Variants in CROT observed in about 807,000 individuals in gnomAD.
The protein encoded by CROT is peroxisomal carnitine O-octanoyltransferase.
In CROT, 84 loss-of-function variants were observed where a neutral mutation model predicts 89.2. The ratio of observed to expected loss-of-function variants is 0.94; its 90% CI spans 0.79 to 1.13. CROT has a LOEUF of 1.13. Ranked by LOEUF, CROT falls within the 50% of genes most tolerant of loss-of-function variation. The pLI, the probability that CROT is intolerant of heterozygous loss-of-function variation, is 0.00. For missense variants in CROT, 711 were observed against 727.8 expected, an observed-to-expected ratio of 0.98 and a Z score of 0.27; for synonymous variants, 212 against 239.5, an observed-to-expected ratio of 0.89 and a Z score of 1.06.
At position 87,375,651 on chromosome 7, in the gene CROT, A is replaced by G. The variant is rs996243707; in HGVS notation, c.676A>G (p.Lys226Glu). 6.2e-7 allele frequency: 1 copy of G among 1,612,984 alleles called. No individual in the cohort carries two copies. The highest frequency in any genetic ancestry group is 8.5e-7 in the Non-Finnish European group (1 of 1,179,206). ...ELLRQLTYIH[K>E]KCHSEPDGPG... ...CATAAGACAACTGACATATATCCAC[A>G]AGAAGTGCCATAGTGAACCTGATGG... The change falls in exon 8 of 18, where the codon AAG (lysine) becomes GAG (glutamate). Residue 226 changes from lysine (K) to glutamate (E), a missense_variant. By Grantham distance (56) the Lys-to-Glu change is moderately conservative. Coordinates refer to ENST00000331536, the MANE Select transcript of CROT (RefSeq NM_021151.4).
chr7:87,371,534 T>C (rs1444972210), intron 7 of CROT, among the ~76,000 whole-genome samples: 4 of 152,204 alleles, frequency 2.6e-5, no homozygotes, highest in African/African-American at 9.6e-5. Context: ...ATATCTATGG[T>C]TTGATATTAG....
Position 87,366,423 on chromosome 7 carries a change from C to A in CROT, c.548-2953C>A, listed in dbSNP as rs558823528. 8.5e-5 allele frequency among the ~76,000 whole-genome samples: 13 copies of A among 152,234 alleles called. No individual in the cohort carries two copies. The South Asian group carries it at 2.7e-3, about 32-fold the overall frequency. Reference sequence around the variant, plus strand: ...TGCAGTGACTTTCCTCCTGCCCATTCCCCTTCATCTATTGATTGCTTTAGC... The same window carrying A: ...TGCAGTGACTTTCCTCCTGCCCATTACCCTTCATCTATTGATTGCTTTAGC... On this transcript the variant is annotated intron_variant, in intron 6 of 17. Coordinates refer to ENST00000331536, the MANE Select transcript of CROT (RefSeq NM_021151.4).
Position 87,392,993 on chromosome 7 carries a change from T to C in CROT, c.1644T>C (p.Tyr548=). 6.2e-7 allele frequency: 1 copy of C among 1,613,718 alleles called. No individual in the cohort carries two copies. The highest frequency in any genetic ancestry group is 8.5e-7 in the Non-Finnish European group (1 of 1,179,708). The change falls in exon 17 of 18, where the codon TAT becomes TAC. Residue 548 remains tyrosine (Y), a synonymous_variant. Transcript: ENST00000331536. ...TTCTCTCAACAAGTCTGGTTGGCTA[T>C]TTACGAGTCCAGGGAGTGGTAGTTC... The part of the protein sequence containing the change: ...NFVLSTSLVG[Y]LRVQGVVVPM...
chr7:87,352,081 G>A (rs906843485), intron 3 of CROT, among the ~76,000 whole-genome samples: 1 of 152,216 alleles, frequency 6.6e-6, no homozygotes, highest in Non-Finnish European at 1.5e-5. Flanking sequence ...ATTCCAAGAA[G>A]AGGAAAGATA....
At chr7:87,347,138 C>T (rs1055116541) in intron 2 of CROT, among the ~76,000 whole-genome samples, 6 of 152,202 alleles carry the variant, frequency 3.9e-5, no homozygotes, top group African/African-American at 1.4e-4. Context: ...AAGCTCTTTG[C>T]TCTTATGGAC....
intron 4 of CROT, chr7:87,360,216 G>C (rs1806225692): frequency 2.0e-6 from 1 of 500,692 alleles, no homozygotes; most frequent in Non-Finnish European, 2.6e-6. Flanking sequence ...CAGGTAATTT[G>C]ATAAGATGTG....
chr7:87,372,080 A>AT (rs1806661628), intron 7 of CROT, among the ~76,000 whole-genome samples: 1 of 151,798 alleles, frequency 6.6e-6, no homozygotes, highest in South Asian at 2.1e-4. Context: ...TGTTGTTCGA[A>AT]TTGGCATATC....
At position 87,349,203 on chromosome 7, in the gene CROT, G is replaced by T. The variant is rs750445851; in HGVS notation, c.115+20G>T. ...AATCAGGTATGTTAATAATCTTTTA[G>T]TATATATTAATATTATTAGTAACTT... On this transcript the variant is annotated intron_variant, in intron 3 of 17. Coordinates refer to ENST00000331536, the MANE Select transcript of CROT (RefSeq NM_021151.4). 8.3e-7 allele frequency: 1 copy of T among 1,207,582 alleles called. No homozygotes were observed. The allele number at this position is 1,207,582 out of a possible 1,614,324, so 74.8% of individuals were successfully genotyped here. A position where few individuals can be genotyped will look rare whatever the true frequency, so the allele number is the denominator to read the frequency against.
chr7:87,361,116 G>C (rs933620188), intron 4 of CROT, among the ~76,000 whole-genome samples: 1 of 151,646 alleles, frequency 6.6e-6, no homozygotes, highest in African/African-American at 2.4e-5. Flanking sequence ...CTACATGCAG[G>C]CCCAGCTAAT....
intron 3 of CROT, among the ~76,000 whole-genome samples, chr7:87,354,118 G>A (rs1029712897): frequency 5.9e-5 from 9 of 152,104 alleles, no homozygotes; most frequent in African/African-American, 1.7e-4. Flanking sequence ...AGAAGCAGAG[G>A]TCATTGTAAA....
intron 14 of CROT, 131 bp from the exon 15 acceptor site, chr7:87,392,435 G>A: frequency 1.4e-6 from 1 of 697,462 alleles, no homozygotes; most frequent in East Asian, 2.5e-5. Flanking sequence ...ATAGGAGTAT[G>A]TGTTATAGAT....
intron 7 of CROT, among the ~76,000 whole-genome samples, chr7:87,373,619 A>G (rs2115914193): frequency 6.6e-6 from 1 of 152,238 alleles, no homozygotes; most frequent in Non-Finnish European, 1.5e-5. Context: ...GAATCGAAGT[A>G]GAGATATCCA....
At chr7:87,381,348 A>G (rs2116017963) in intron 10 of CROT, among the ~76,000 whole-genome samples, 1 of 152,346 alleles carries the variant, frequency 6.6e-6, no homozygotes, top group African/African-American at 2.4e-5. Context: ...AACCTGAAAC[A>G]GCCCCGTAAC....
intron 17 of CROT, among the ~76,000 whole-genome samples, chr7:87,395,798 C>A (rs564152951): frequency 2.6e-4 from 39 of 152,212 alleles, no homozygotes; most frequent in Middle Eastern, 3.4e-3. Context: ...TACTTGCCCC[C>A]AGACATGTCT....
At position 87,389,628 on chromosome 7, in the gene CROT, G is replaced by T. The variant is rs539642681; in HGVS notation, c.1302-1961G>T. 8.0e-4 allele frequency among the ~76,000 whole-genome samples: 122 copies of T among 151,912 alleles called. 1 individual carries two copies. The highest frequency in any genetic ancestry group is 4.2e-4 in the South Asian group (2 of 4,814). On this transcript the variant is annotated intron_variant, in intron 13 of 17. Coordinates refer to ENST00000331536, the MANE Select transcript of CROT (RefSeq NM_021151.4). ...CACACACCGGGGGCTGTCATGGGGT[G>T]GGGGGCTAGGGGAGGGATAGCATTA...
intron 10 of CROT, among the ~76,000 whole-genome samples, chr7:87,377,951 T>G (rs1806863329): frequency 6.6e-6 from 1 of 152,156 alleles, no homozygotes; most frequent in East Asian, 1.9e-4. Context: ...CAACTTTTCT[T>G]GCTTCTCCTC....
Position 87,393,036 on chromosome 7 carries a change from T to C in CROT, c.1687T>C (p.Tyr563His). Residue 563 changes from tyrosine (Y) to histidine (H), a missense_variant, in exon 17 of 18, where the codon TAT becomes CAT. By Grantham distance (83) the Tyr-to-His change is moderately conservative. Coordinates refer to ENST00000331536, the MANE Select transcript of CROT (RefSeq NM_021151.4). ...GGTAGTTCCCATGGTACACAATGGT[T>C]ATGGATTTTTCTACCATATCAGAGA... ...GVVVPMVHNG[Y>H]GFFYHIRDDR... 6.2e-7 allele frequency: 1 copy of C among 1,613,588 alleles called. No individual in the cohort carries two copies. The highest frequency in any genetic ancestry group is 8.5e-7 in the Non-Finnish European group (1 of 1,179,608).
chr7:87,377,425 A>G lies in CROT; in HGVS notation c.953A>G (p.Asn318Ser), dbSNP rs1341373828. The G allele has an allele frequency of 6.2e-7, 1 of 1,609,064 alleles. No individual in the cohort carries two copies. The highest frequency in any genetic ancestry group is 8.5e-7 in the Non-Finnish European group (1 of 1,176,080). Residue 318 changes from asparagine to serine, a missense_variant, in exon 10 of 18, where the codon AAT becomes AGT. Coordinates refer to ENST00000331536, the MANE Select transcript of CROT (RefSeq NM_021151.4). Reference sequence around the variant, plus strand: ...TCCTATAACTTGATTTCCTTTTCTAATGGAGTATTTGGCTGTAATTGTGAT... The same window carrying G: ...TCCTATAACTTGATTTCCTTTTCTAGTGGAGTATTTGGCTGTAATTGTGAT... ...DKSYNLISFS[N>S]GVFGCNCDHA...
At chr7:87,363,291 G>A (rs919083995) in intron 6 of CROT, among the ~76,000 whole-genome samples, 2 of 152,180 alleles carry the variant, frequency 1.3e-5, no homozygotes, top group Non-Finnish European at 2.9e-5. Flanking sequence ...GGGATAAAGT[G>A]TGAGGTAGAC....
Sources: allele counts gnomAD v4.1 joint callset (sites outside exome capture counted in the v4.1 genomes callset), GRCh38; gene constraint gnomAD v4.1.1; transcripts MANE v1.5; gene names NCBI Gene and HGNC (gene_info 2026-07-23, HGNC 2026-07-21).